The following RCC1 variants were observed in gnomAD, a reference collection of about 807,000 sequenced individuals.
The protein encoded by RCC1 is regulator of chromosome condensation.
In RCC1, 11 loss-of-function variants were observed where a neutral mutation model predicts 44.4. That is an observed-to-expected ratio of 0.25 (90% CI 0.16 to 0.41). The LOEUF is 0.41. Ranked by LOEUF, RCC1 falls within the 10% of genes least tolerant of loss-of-function variation. The probability of loss-of-function intolerance (pLI) is 1.00; values close to 1 mark genes in which losing one functional copy is unlikely to be tolerated. For synonymous variants in RCC1, 213 were observed against 216.5 expected (o/e 0.98, Z 0.14); for missense variants, 386 against 547.1 (o/e 0.71, Z 2.94).
At chr1:28,523,777 G>A in intron 4 of RCC1, among the ~76,000 whole-genome samples, 1 of 152,304 alleles carries the variant, frequency 6.6e-6, no homozygotes, top group South Asian at 2.1e-4. Flanking sequence ...CTGATGAGAT[G>A]TTTGCCTTGG....
At position 28,514,732 on chromosome 1, in the gene RCC1, G is replaced by T. The variant is rs189000703; in HGVS notation, c.-152-1993G>T. Among the ~76,000 whole-genome samples the T allele has an allele frequency of 8.6e-5, 13 of 151,432 alleles. No individual in the cohort carries two copies. The East Asian group carries it at 2.5e-3, about 29-fold the overall frequency. ...GCCGAGATCATGCCATTGCACTCCAGCCTGGGCAACAAGAGCAAAACTCCA... is the reference window on the plus strand; with the variant it reads ...GCCGAGATCATGCCATTGCACTCCATCCTGGGCAACAAGAGCAAAACTCCA... On this transcript the variant is annotated intron_variant, in intron 3 of 12. Transcript: ENST00000683442.
At chr1:28,510,426 G>A (rs1662440236) in intron 3 of RCC1, 1 of 152,136 alleles carries the variant, frequency 6.6e-6, no homozygotes, top group Admixed American at 6.6e-5. Context: ...AACATCTAGA[G>A]ATCCTGGCCA....
intron 4 of RCC1, among the ~76,000 whole-genome samples, chr1:28,524,152 C>A (rs911914612): frequency 2.0e-5 from 3 of 152,234 alleles, no homozygotes; most frequent in Admixed American, 2.0e-4. Context: ...CCTACCCCAT[C>A]TAACTTTGCC....
chr1:28,508,827 T>C lies in RCC1; in HGVS notation c.-228-3T>C, dbSNP rs751946274. 2 of 517,512 alleles carry C rather than the reference T, an allele frequency of 3.9e-6. No individual in the cohort carries two copies. The highest frequency in any genetic ancestry group is 5.5e-5 in the East Asian group (1 of 18,342). The allele number at this position is 517,512 out of a possible 1,614,324, so 32.1% of individuals were successfully genotyped here. ...AGTCTAATCATTATTTCTTTTCTTT[T>C]AGGAGAGAAGACGATCTGCACTTCG... is the stretch of plus-strand genomic sequence containing the variant. On this transcript the variant is annotated splice_polypyrimidine_tract_variant and splice_region_variant and intron_variant, in intron 2 of 12. Transcript: ENST00000683442.
Position 28,513,028 on chromosome 1 carries a change from C to T in RCC1, c.-152-3697C>T, listed in dbSNP as rs556071210. ...GACCTTGTGATCCACCCGCCTCGGC[C>T]TCCCAAAGTGCTGGGATTACAGGTG... On this transcript the variant is annotated intron_variant, in intron 3 of 12. Transcript: ENST00000683442. 2.2e-3 allele frequency among the ~76,000 whole-genome samples: 340 copies of T among 151,764 alleles called. 1 individual carries two copies. Among genetic ancestry groups the T allele is most frequent in the African/African-American group, 7.9e-3 (327 of 41,424 alleles).
In RCC1 at chr1:28,514,927, G is replaced by A. The variant is rs1281068456; in HGVS notation, c.-152-1798G>A. 3.9e-5 allele frequency among the ~76,000 whole-genome samples: 6 copies of A among 152,086 alleles called. No homozygotes were observed. The South Asian group carries it at 1.0e-3, about 26-fold the overall frequency. On this transcript the variant is annotated intron_variant, in intron 3 of 12. Transcript: ENST00000683442. ...TTCTCACTATATAGTCTTTGATATT[G>A]TCATGTGTCTTACTTTTATATATGT...
intron 4 of RCC1, among the ~76,000 whole-genome samples, chr1:28,519,292 G>A (rs972998130): frequency 6.6e-6 from 1 of 152,162 alleles, no homozygotes; most frequent in Non-Finnish European, 1.5e-5. Context: ...TACAGCAGGG[G>A]CTGGGTCACG....
intron 4 of RCC1, chr1:28,518,288 T>A (rs965259937): frequency 6.6e-6 from 1 of 152,158 alleles, no homozygotes; most frequent in Non-Finnish European, 1.5e-5. Context: ...CCGGAGTTCC[T>A]TGTGGCCGAC....
Position 28,538,175 on chromosome 1 carries a change from T to G in RCC1, c.*168T>G. ...ATCCTTTTCCTCTTTTCCTTCCTCC[T>G]CTTTGGAATTTTCCTGGGACCTACA... On this transcript the variant is annotated 3_prime_UTR_variant, in exon 13 of 13. Transcript: ENST00000683442. 1 of 541,984 alleles carries G rather than the reference T, an allele frequency of 1.8e-6. No individual in the cohort carries two copies. Among genetic ancestry groups the G allele is most frequent in the Non-Finnish European group, 3.1e-6 (1 of 324,292 alleles). The allele number at this position is 541,984 out of a possible 1,614,324, so 33.6% of individuals were successfully genotyped here. A position where few individuals can be genotyped will look rare whatever the true frequency, so the allele number is the denominator to read the frequency against.
chr1:28,533,535 G>A (rs1295984446), intron 7 of RCC1, among the ~76,000 whole-genome samples: 2 of 150,724 alleles, frequency 1.3e-5, no homozygotes, highest in African/African-American at 2.4e-5. Context: ...TTGGGAGGCC[G>A]AAGCAGGCTG....
intron 1 of RCC1, 62 bp from the exon 2 acceptor site, chr1:28,508,066 G>GGC: frequency 2.4e-6 from 1 of 415,244 alleles, no homozygotes; most frequent in Non-Finnish European, 5.0e-6. Flanking sequence ...GATAGCATGA[G>GGC]GCCCCTCGTT....
At chr1:28,521,359 G>A (rs1663257238) in intron 4 of RCC1, among the ~76,000 whole-genome samples, 1 of 151,694 alleles carries the variant, frequency 6.6e-6, no homozygotes, top group Non-Finnish European at 1.5e-5. Context: ...AAATTAGCTG[G>A]GTGTGGTGGC....
At chr1:28,522,114 A>G (rs763700825) in intron 4 of RCC1, among the ~76,000 whole-genome samples, 61 of 152,202 alleles carry the variant, frequency 4.0e-4, no homozygotes, top group Non-Finnish European at 7.9e-4. Context: ...TATGGTGGAC[A>G]GGCATGTAAA....
intron 4 of RCC1, among the ~76,000 whole-genome samples, chr1:28,522,322 T>C (rs542338773): frequency 1.3e-5 from 2 of 152,214 alleles, no homozygotes; most frequent in South Asian, 4.1e-4. Flanking sequence ...CTGGTGGGTC[T>C]GGCAAGGAGA....
intron 3 of RCC1, chr1:28,510,623 A>G (rs1167516731): frequency 2.6e-5 from 4 of 152,230 alleles, no homozygotes; most frequent in African/African-American, 7.2e-5. Flanking sequence ...TCCTAAAGCA[A>G]TTGTATTTGT....
chr1:28,535,534 C>T, intron 9 of RCC1, 154 bp downstream of exon 9: 1 of 1,165,844 alleles, frequency 8.6e-7, no homozygotes, highest in Non-Finnish European at 1.2e-6. Context: ...GGTAGTTTTG[C>T]CACCTACTGT....
At chr1:28,508,644 A>T (rs1417116440) in intron 2 of RCC1, 186 bp from the exon 3 acceptor site, 1 of 516,948 alleles carries the variant, frequency 1.9e-6, no homozygotes, top group Admixed American at 1.9e-5. Flanking sequence ...CATGATGTAC[A>T]GTCCCTTTCC....
intron 3 of RCC1, 186 bp downstream of exon 3, chr1:28,509,091 C>T (rs2124598895): frequency 2.8e-6 from 1 of 355,426 alleles, no homozygotes; most frequent in South Asian, 2.2e-5. Flanking sequence ...ACATAAGCCA[C>T]CACGCCCAGC....
chr1:28,535,616 G>A (rs766540726), intron 9 of RCC1: 19 of 778,670 alleles, frequency 2.4e-5, no homozygotes, highest in Non-Finnish European at 4.0e-5. Context: ...TTAGGTTGCT[G>A]TGAAGTTAAA....
Sources: allele counts gnomAD v4.1 joint callset (sites outside exome capture counted in the v4.1 genomes callset), GRCh38; gene constraint gnomAD v4.1.1; transcripts MANE v1.5; gene names NCBI Gene and HGNC (gene_info 2026-07-23, HGNC 2026-07-21).